Variants in EPS8L3 observed in about 807,000 individuals in gnomAD.
EPS8L3 encodes EPS8 signaling adaptor L3.
Under a neutral mutation model 88.5 loss-of-function variants are expected in EPS8L3, and 80 were observed. The observed-to-expected ratio is 0.90, with a 90% CI of 0.75 to 1.09. The LOEUF is 1.09. Among genes scored for constraint, EPS8L3 ranks in the 50% least tolerant of loss-of-function variants. The pLI, the probability that EPS8L3 is intolerant of heterozygous loss-of-function variation, is 0.00. For missense variants in EPS8L3, 721 were observed against 735.2 expected (o/e 0.98, Z 0.22); for synonymous variants, 286 against 291.0 (o/e 0.98, Z 0.18).
chr1:109,758,390 C>T lies in EPS8L3; in HGVS notation c.643G>A (p.Ala215Thr), dbSNP rs138344133. Residue 215 changes from alanine to threonine, a missense_variant, in exon 8 of 19, where the codon GCC becomes ACC. Physicochemically the swap from Ala to Thr is moderately conservative, Grantham distance 58. Coordinates refer to ENST00000361965, the MANE Select transcript of EPS8L3 (RefSeq NM_133181.4). ...AGAGTAAAGGCACTTGGTTCTCGGG[C>T]ACTGGTGTGGCGTGGCAGGGGCCTT... ...SPRPLPRHTS[A>T]REPSAFTLPP... The T allele has an allele frequency of 2.0e-5, 32 of 1,612,544 alleles. No homozygotes were observed. Among genetic ancestry groups the T allele is most frequent in the Non-Finnish European group, 2.6e-5 (31 of 1,179,362 alleles).
intron 16 of EPS8L3, 38 bp from the exon 17 acceptor site, chr1:109,751,389 A>G (rs1324128051): frequency 1.3e-6 from 2 of 1,594,994 alleles, no homozygotes; most frequent in Admixed American, 1.7e-5. Context: ...AGTCCATCTC[A>G]TCTCACAGCC....
At chr1:109,757,597 C>G (rs1007758516) in intron 10 of EPS8L3, 42 bp from the exon 11 acceptor site, 3 of 1,566,600 alleles carry the variant, frequency 1.9e-6, no homozygotes, top group Non-Finnish European at 2.6e-6. Flanking sequence ...CTTCACCCCA[C>G]CCCATCTTCA....
intron 3 of EPS8L3, among the ~76,000 whole-genome samples, chr1:109,760,750 C>T (rs1404114492): frequency 1.3e-5 from 2 of 152,080 alleles, no homozygotes; most frequent in Non-Finnish European, 1.5e-5. Context: ...GACCATCGCC[C>T]CAGCTCCCTC....
chr1:109,750,680 C>A lies in EPS8L3; in HGVS notation c.1750G>T (p.Ala584Ser), dbSNP rs554385715. ...CTCACCCCCAGCATCCTTCTGACAG[C>A]CTCCAGCCGGGACAGGATTCGTGGG... The part of the protein sequence containing the change: ...EAPRILSRLE[A>S]VRRMLGISP Residue 584 changes from alanine to serine, a missense_variant, in exon 18 of 19, where the codon GCT becomes TCT. Transcript: ENST00000361965. 34 of 1,614,232 alleles carry A rather than the reference C, an allele frequency of 2.1e-5. No individual in the cohort carries two copies. The South Asian group carries it at 3.2e-4, about 15-fold the overall frequency.
At position 109,759,347 on chromosome 1, in the gene EPS8L3, A is replaced by G. The variant is rs2101505255; in HGVS notation, c.296T>C (p.Met99Thr). Residue 99 changes from methionine (M) to threonine (T), a missense_variant, in exon 5 of 19, where the codon ATG becomes ACG. Physicochemically the swap from Met to Thr is moderately conservative, Grantham distance 81. Transcript: ENST00000361965. This position sits in a 1 kb window ranked among gnomAD's most constrained non-coding sequence, Gnocchi z 4.2. ...GGAACATGTGTTGAGCGCCACATTC[A>G]TGGCCTGGATGCTGTCTAGGCGGTA... ...DSYRLDSIQAMNVALNTCSYN... is the reference protein window; with the variant it reads ...DSYRLDSIQATNVALNTCSYN... 4 of 1,614,150 alleles carry G rather than the reference A, an allele frequency of 2.5e-6. No homozygotes were observed. The highest frequency in any genetic ancestry group is 2.2e-5 in the East Asian group (1 of 44,882).
chr1:109,762,806 C>G (rs533822486), intron 1 of EPS8L3, among the ~76,000 whole-genome samples: 1 of 152,346 alleles, frequency 6.6e-6, no homozygotes, highest in African/African-American at 2.4e-5. Flanking sequence ...GAGAGCAACC[C>G]AGATCTGTCC....
At chr1:109,757,313 T>C (rs1344183567) in intron 11 of EPS8L3, 148 bp from the exon 12 acceptor site, 2 of 1,157,740 alleles carry the variant, frequency 1.7e-6, no homozygotes, top group South Asian at 1.6e-5. Flanking sequence ...GGCCTGCTGC[T>C]CCTTCCTGTC....
chr1:109,752,145 C>T lies in EPS8L3; in HGVS notation c.1284G>A (p.Lys428=). The T allele has an allele frequency of 1.2e-6, 2 of 1,614,144 alleles. No individual in the cohort carries two copies. Among genetic ancestry groups the T allele is most frequent in the Non-Finnish European group, 1.7e-6 (2 of 1,180,024 alleles). Reference sequence around the variant, plus strand: ...CAGGCTGAGGGTCATGGTTGTGTGTCTTCTCCTGAGGAAAGTGTGAGGTGC... The same window carrying T: ...CAGGCTGAGGGTCATGGTTGTGTGTTTTCTCCTGAGGAAAGTGTGAGGTGC... The part of the protein sequence containing the change: ...LGSTSHFPQE[K]THNHDPQPGD... The change falls in exon 15 of 19, where the codon AAG becomes AAA. Residue 428 remains lysine (K), a synonymous_variant. Transcript: ENST00000361965.
intron 12 of EPS8L3, among the ~76,000 whole-genome samples, chr1:109,755,482 A>G (rs1291048042): frequency 6.6e-6 from 1 of 152,248 alleles, no homozygotes; most frequent in Non-Finnish European, 1.5e-5. Flanking sequence ...AACTGGACAC[A>G]AAATTTTGTA....
chr1:109,758,826 C>T (rs1024197658), intron 6 of EPS8L3, among the ~76,000 whole-genome samples, 163 bp from the exon 7 acceptor site: 1 of 152,180 alleles, frequency 6.6e-6, no homozygotes, highest in African/African-American at 2.4e-5. Context: ...TCCACCCTGC[C>T]TCATCTGCCT....
At position 109,750,756 on chromosome 1, in the gene EPS8L3, C is replaced by G. The variant is rs746630715; in HGVS notation, c.1674G>C (p.Gln558His). Reference sequence around the variant, plus strand: ...GCTCCCCAGGTCTTATGCGAAGTAGCTGGCTCCCCGTCAGGGACCCAAGTG... The same window carrying G: ...GCTCCCCAGGTCTTATGCGAAGTAGGTGGCTCCCCGTCAGGGACCCAAGTG... ...VRTLGSLTGS[Q>H]LLRIRPGELQ... Residue 558 changes from glutamine to histidine, a missense_variant, in exon 18 of 19, where the codon CAG becomes CAC. By Grantham distance (24) the Gln-to-His change is conservative. Transcript: ENST00000361965. 16 of 1,614,104 alleles carry G rather than the reference C, an allele frequency of 9.9e-6. No homozygotes were observed. Among genetic ancestry groups the G allele is most frequent in the Admixed American group, 5.0e-5 (3 of 60,008 alleles).
chr1:109,762,336 C>G (rs556650075), intron 1 of EPS8L3, among the ~76,000 whole-genome samples: 22 of 152,216 alleles, frequency 1.4e-4, no homozygotes, highest in African/African-American at 5.3e-4. Context: ...TGACCTCCCC[C>G]AAGTGTCTCC....
chr1:109,752,774 G>A, intron 13 of EPS8L3, 54 bp from the exon 14 acceptor site: 5 of 1,492,424 alleles, frequency 3.4e-6, no homozygotes, highest in Non-Finnish European at 4.6e-6. Context: ...CAGCATGGTG[G>A]GAGGGAGCTG....
At chr1:109,758,716 G>T in intron 6 of EPS8L3, 53 bp from the exon 7 acceptor site, 8 of 1,513,908 alleles carry the variant, frequency 5.3e-6, no homozygotes, top group Non-Finnish European at 7.1e-6. Context: ...TTGGAGAGAG[G>T]CCCTCCCCAC....
intron 3 of EPS8L3, among the ~76,000 whole-genome samples, chr1:109,760,502 C>A (rs1208512758): frequency 3.3e-5 from 5 of 152,032 alleles, no homozygotes; most frequent in Non-Finnish European, 7.4e-5. Flanking sequence ...CCCTTTGACC[C>A]CACCCCCCTG....
intron 12 of EPS8L3, among the ~76,000 whole-genome samples, chr1:109,756,095 G>A (rs1412628670): frequency 6.6e-6 from 1 of 152,236 alleles, no homozygotes; most frequent in Non-Finnish European, 1.5e-5. Flanking sequence ...CTCCCCAGTA[G>A]CTGTGCCTCT....
intron 3 of EPS8L3, chr1:109,760,046 G>C (rs1439563438): frequency 1.7e-6 from 1 of 587,538 alleles, no homozygotes; most frequent in Middle Eastern, 4.5e-4. Context: ...CTCCAAGTCT[G>C]AGTCTGAGGG....
intron 16 of EPS8L3, 66 bp from the exon 17 acceptor site, chr1:109,751,417 T>G: frequency 6.6e-7 from 1 of 1,510,498 alleles, no homozygotes; most frequent in Non-Finnish European, 9.1e-7. Flanking sequence ...GCCCCTAACA[T>G]CTGGGTCCCT....
chr1:109,750,701 G>T lies in EPS8L3; in HGVS notation c.1729C>A (p.Arg577=), dbSNP rs147585592. The change falls in exon 18 of 19, where the codon CGA becomes AGA. Residue 577 remains arginine, a synonymous_variant. Coordinates refer to ENST00000361965, the MANE Select transcript of EPS8L3 (RefSeq NM_133181.4). The stretch of plus-strand genomic sequence containing the variant: ...ACAGCCTCCAGCCGGGACAGGATTC[G>T]TGGGGCCTCCTGTGGACATAGCATC... ...LQMLCPQEAP[R]ILSRLEAVRR... 4 of 1,614,184 alleles carry T rather than the reference G, an allele frequency of 2.5e-6. No homozygotes were observed. Among genetic ancestry groups the T allele is most frequent in the Non-Finnish European group, 3.4e-6 (4 of 1,180,028 alleles).
Sources: allele counts gnomAD v4.1 joint callset (sites outside exome capture counted in the v4.1 genomes callset), GRCh38; gene constraint gnomAD v4.1.1; non-coding constraint Gnocchi (gnomAD v3.1); transcripts MANE v1.5; gene names NCBI Gene and HGNC (gene_info 2026-07-23, HGNC 2026-07-21).